CDH9: variants seen among roughly 807,000 people sequenced by gnomAD.
CDH9 encodes cadherin-9.
A neutral mutation model predicts 70.9 loss-of-function variants in CDH9; 28 were observed. That is an observed-to-expected ratio of 0.40 (90% CI 0.29 to 0.54). CDH9 has a LOEUF of 0.54. Among genes scored for constraint, CDH9 ranks in the 20% least tolerant of loss-of-function variants. The probability of loss-of-function intolerance (pLI) is 0.59; values close to 1 mark genes in which losing one functional copy is unlikely to be tolerated. For missense variants in CDH9, 874 were observed against 984.4 expected, an observed-to-expected ratio of 0.89 and a Z score of 1.50; for synonymous variants, 409 against 343.1, an observed-to-expected ratio of 1.19 and a Z score of -2.12.
At chr5:26,995,051 A>G in intron 1 of CDH9, among the ~76,000 whole-genome samples, 1 of 152,050 alleles carries the variant, frequency 6.6e-6, no homozygotes, top group Non-Finnish European at 1.5e-5. Context: ...CACTACTTTT[A>G]TTATCTCTTT....
intron 3 of CDH9, among the ~76,000 whole-genome samples, chr5:26,907,298 A>G (rs772908308): frequency 7.9e-5 from 12 of 152,248 alleles, no homozygotes; most frequent in South Asian, 2.1e-4. Context: ...ATAAAAAAAT[A>G]AAGAGAAAAT....
chr5:26,981,377 C>G (rs534005180), intron 2 of CDH9, among the ~76,000 whole-genome samples: 5 of 151,962 alleles, frequency 3.3e-5, no homozygotes, highest in Non-Finnish European at 7.4e-5. Context: ...CCTCTAAATG[C>G]AATGTAAACA....
At chr5:27,014,379 C>T (rs1361229412) in intron 1 of CDH9, among the ~76,000 whole-genome samples, 2 of 151,780 alleles carry the variant, frequency 1.3e-5, no homozygotes, top group Non-Finnish European at 2.9e-5. Context: ...GTTAATGCAC[C>T]GAACTGTGGT....
At chr5:27,021,450 G>T (rs1038292038) in intron 1 of CDH9, among the ~76,000 whole-genome samples, 1 of 151,286 alleles carries the variant, frequency 6.6e-6, no homozygotes, top group Admixed American at 6.6e-5. Flanking sequence ...GTCTTATAAA[G>T]GAGAAAAATC....
chr5:26,982,865 T>G (rs1485777672), intron 2 of CDH9, among the ~76,000 whole-genome samples: 1 of 151,846 alleles, frequency 6.6e-6, no homozygotes, highest in Non-Finnish European at 1.5e-5. Context: ...GTATTTTTTT[T>G]TAGTAGAGAT....
chr5:27,015,026 A>G (rs1216880557), intron 1 of CDH9, among the ~76,000 whole-genome samples: 4 of 151,952 alleles, frequency 2.6e-5, no homozygotes, highest in Non-Finnish European at 5.9e-5. Flanking sequence ...TGCAAGGATC[A>G]CATAACCGTA....
chr5:26,926,031 C>T (rs1214734086), intron 2 of CDH9, among the ~76,000 whole-genome samples: 1 of 152,136 alleles, frequency 6.6e-6, no homozygotes. Context: ...AAAACTGGCA[C>T]AAGACAGGGA....
chr5:27,027,930 ACT>A (rs1310266292), intron 1 of CDH9, among the ~76,000 whole-genome samples: 4 of 152,032 alleles, frequency 2.6e-5, no homozygotes, highest in African/African-American at 9.7e-5. Flanking sequence ...GGGATATGAA[ACT>A]CTCTATGGAT....
chr5:26,977,485 G>GTATATATATA (rs775423954), intron 2 of CDH9, among the ~76,000 whole-genome samples: 2 of 68,852 alleles, frequency 2.9e-5, no homozygotes, highest in East Asian at 4.6e-4. Context: ...GTGTGTGTGT[G>GTATATATATA]TATATATATA....
At chr5:27,031,528 A>T (rs534550129) in intron 1 of CDH9, among the ~76,000 whole-genome samples, 1 of 151,932 alleles carries the variant, frequency 6.6e-6, no homozygotes, top group African/African-American at 2.4e-5. Flanking sequence ...CTCTGCAATA[A>T]CATTGTATTA....
At chr5:26,944,832 G>A (rs1741721505) in intron 2 of CDH9, among the ~76,000 whole-genome samples, 1 of 151,930 alleles carries the variant, frequency 6.6e-6, no homozygotes, top group Non-Finnish European at 1.5e-5. Flanking sequence ...ACACCGACAG[G>A]AAGCTAATCT....
chr5:26,885,676 A>C lies in CDH9; in HGVS notation c.1820T>G (p.Leu607Arg), dbSNP rs2111967392. Reference protein sequence around the residue: ...MQSCTAEALILSAGLSTGALV... With the variant: ...MQSCTAEALIRSAGLSTGALV... ...AGCTCCCGTGCTCAGGCCGGCTGAAAGGATCAGGGCTTCTGCGGTGCAGGA... is the reference window on the plus strand; with the variant it reads ...AGCTCCCGTGCTCAGGCCGGCTGAACGGATCAGGGCTTCTGCGGTGCAGGA... The change falls in exon 11 of 12, where the codon CTT (leucine) becomes CGT (arginine). Residue 607 changes from leucine to arginine, a missense_variant. Coordinates refer to ENST00000231021, the MANE Select transcript of CDH9 (RefSeq NM_016279.4). The C allele has an allele frequency of 6.2e-7, 1 of 1,613,832 alleles. No homozygotes were observed. Among genetic ancestry groups the C allele is most frequent in the African/African-American group, 1.3e-5 (1 of 75,046 alleles).
chr5:26,881,100 T>C lies in CDH9; in HGVS notation c.*36A>G. 3 of 1,542,956 alleles carry C rather than the reference T, an allele frequency of 1.9e-6. No individual in the cohort carries two copies. The highest frequency in any genetic ancestry group is 1.8e-6 in the Non-Finnish European group (2 of 1,141,522). On this transcript the variant is annotated 3_prime_UTR_variant, in exon 12 of 12. Transcript: ENST00000231021. Reference sequence around the variant, plus strand: ...CCACTCAATCTAATAACATAGACAGTACTTCCACTAATATTGATTAAGTCA... The same window carrying C: ...CCACTCAATCTAATAACATAGACAGCACTTCCACTAATATTGATTAAGTCA...
chr5:27,010,781 A>C (rs1170799083), intron 1 of CDH9, among the ~76,000 whole-genome samples: 1 of 152,156 alleles, frequency 6.6e-6, no homozygotes, highest in African/African-American at 2.4e-5. Flanking sequence ...CATTTCTGGT[A>C]GATATATGTG....
chr5:27,012,791 T>G (rs1416163654), intron 1 of CDH9, among the ~76,000 whole-genome samples: 3 of 152,018 alleles, frequency 2.0e-5, no homozygotes, highest in Non-Finnish European at 4.4e-5. Context: ...AATCACTTAT[T>G]AGAACTCAGT....
intron 7 of CDH9, among the ~76,000 whole-genome samples, chr5:26,895,359 C>A (rs1407466994): frequency 1.3e-5 from 2 of 151,770 alleles, no homozygotes; most frequent in East Asian, 1.9e-4. Flanking sequence ...TATTATTTTA[C>A]CTTTTGCAAT....
At chr5:26,967,095 G>C (rs1742142921) in intron 2 of CDH9, among the ~76,000 whole-genome samples, 1 of 151,754 alleles carries the variant, frequency 6.6e-6, no homozygotes, top group South Asian at 2.1e-4. Context: ...ACCACGCCTG[G>C]CTAATTTTTT....
chr5:27,001,844 ACTCTCTCT>A (rs141271541), intron 1 of CDH9, among the ~76,000 whole-genome samples: 64 of 142,046 alleles, frequency 4.5e-4, no homozygotes, highest in South Asian at 1.3e-3. Flanking sequence ...ACACACACAC[ACTCTCTCT>A]CTCTCTCTCT....
chr5:26,883,278 A>G (rs1740503391), intron 11 of CDH9, among the ~76,000 whole-genome samples: 1 of 151,328 alleles, frequency 6.6e-6, no homozygotes, highest in Non-Finnish European at 1.5e-5. Flanking sequence ...TAAAATAACA[A>G]TTGTGTAGTC....
Sources: allele counts gnomAD v4.1 joint callset (sites outside exome capture counted in the v4.1 genomes callset), GRCh38; gene constraint gnomAD v4.1.1; transcripts MANE v1.5; gene names NCBI Gene and HGNC (gene_info 2026-07-23, HGNC 2026-07-21).